The following HM13 variants were observed in gnomAD, a reference collection of about 807,000 sequenced individuals.
HM13 encodes histocompatibility minor 13, also known as signal peptide peptidase.
Under a neutral mutation model 50.0 loss-of-function variants are expected in HM13, and 18 were observed. The ratio of observed to expected loss-of-function variants is 0.36; its 90% CI spans 0.25 to 0.53. HM13 has a LOEUF of 0.53. Ranked by LOEUF, HM13 falls within the 20% of genes least tolerant of loss-of-function variation. HM13 has a pLI of 0.90. For synonymous variants in HM13, 197 were observed against 232.6 expected, an observed-to-expected ratio of 0.85 and a Z score of 1.39; for missense variants, 393 against 552.4, an observed-to-expected ratio of 0.71 and a Z score of 2.89.
chr20:31,540,414 C>G (rs1210137846), intron 3 of HM13: 1 of 152,234 alleles, frequency 6.6e-6, no homozygotes. Flanking sequence ...CCATCCTACC[C>G]CAGCATCTGT....
intron 12 of HM13, among the ~76,000 whole-genome samples, chr20:31,568,471 T>C (rs1277038774): frequency 2.0e-5 from 3 of 152,244 alleles, no homozygotes; most frequent in Non-Finnish European, 2.9e-5. Flanking sequence ...GAAATGGCCC[T>C]TGTCATGCAG....
chr20:31,537,537 T>C (rs997678436), intron 2 of HM13, among the ~76,000 whole-genome samples: 30 of 152,236 alleles, frequency 2.0e-4, no homozygotes, highest in Non-Finnish European at 4.4e-5. Context: ...GCAAACATGG[T>C]GTACCATGGC....
chr20:31,517,251 AT>A (rs1981847007), intron 1 of HM13, among the ~76,000 whole-genome samples: 1 of 152,128 alleles, frequency 6.6e-6, no homozygotes, highest in Non-Finnish European at 1.5e-5. Flanking sequence ...GGCAGGGAAA[AT>A]TGTGAAATCA....
At chr20:31,531,571 CT>C (rs923357949) in intron 2 of HM13, among the ~76,000 whole-genome samples, 5 of 151,908 alleles carry the variant, frequency 3.3e-5, no homozygotes, top group African/African-American at 1.2e-4. Flanking sequence ...TATAAATCCT[CT>C]TTTTTTGTTG....
At chr20:31,555,007 G>A (rs902883848) in intron 8 of HM13, among the ~76,000 whole-genome samples, 178 bp downstream of exon 8, 2 of 152,230 alleles carry the variant, frequency 1.3e-5, no homozygotes, top group African/African-American at 2.4e-5. Flanking sequence ...GGCCAGTCAG[G>A]TGCCATGCCC....
At chr20:31,540,419 A>T in intron 3 of HM13, 1 of 152,178 alleles carries the variant, frequency 6.6e-6, no homozygotes, top group East Asian at 1.9e-4. Flanking sequence ...CTACCCCAGC[A>T]TCTGTGAGAC....
intron 12 of HM13, among the ~76,000 whole-genome samples, chr20:31,568,617 A>G (rs1046961407): frequency 7.2e-5 from 11 of 152,220 alleles, no homozygotes; most frequent in African/African-American, 2.7e-4. Context: ...GCATGAACTC[A>G]GTTGCTTGAA....
At chr20:31,562,990 C>A (rs1171949331) in intron 10 of HM13, among the ~76,000 whole-genome samples, 1 of 152,184 alleles carries the variant, frequency 6.6e-6, no homozygotes, top group Non-Finnish European at 1.5e-5. Context: ...AGAGCCAATT[C>A]CCCCAGTGGC....
At chr20:31,557,095 A>G (rs1471085542) in intron 8 of HM13, among the ~76,000 whole-genome samples, 2 of 151,982 alleles carry the variant, frequency 1.3e-5, no homozygotes, top group African/African-American at 4.8e-5. Context: ...CCAGTGAGAT[A>G]GAGGGCATTT....
In HM13 at chr20:31,514,473, C is replaced by T; in HGVS notation, c.-79C>T. The T allele has an allele frequency of 6.8e-7, 1 of 1,476,896 alleles. No homozygotes were observed. 91.5% of individuals were successfully genotyped at this position (1,476,896 alleles called of 1,614,324 possible). On this transcript the variant is annotated 5_prime_UTR_variant, in exon 1 of 13. Transcript: ENST00000398174. This position sits in a 1 kb window ranked among gnomAD's most constrained non-coding sequence, Gnocchi z 4.3. ...TGTTGCCTTAGGGGAACGTGGCTTT[C>T]CCTGCAGAGCCGGTGTCTCCGCCTG...
chr20:31,564,480 G>A (rs2122662961), intron 10 of HM13, among the ~76,000 whole-genome samples: 1 of 152,180 alleles, frequency 6.6e-6, no homozygotes, highest in South Asian at 2.1e-4. Context: ...GTAGGACTGA[G>A]GCGAGAGGAT....
At chr20:31,525,931 G>A (rs1055113319) in intron 1 of HM13, among the ~76,000 whole-genome samples, 2 of 152,006 alleles carry the variant, frequency 1.3e-5, no homozygotes, top group Non-Finnish European at 1.5e-5. Flanking sequence ...TTTGAGACCA[G>A]CCTGGCCGAC....
Position 31,547,301 on chromosome 20 carries a change from G to C in HM13, c.455-1728G>C. 4 of 262,056 alleles carry C rather than the reference G, an allele frequency of 1.5e-5. 1 individual carries two copies. The South Asian group carries it at 1.9e-4, about 12-fold the overall frequency. The allele number at this position is 262,056 out of a possible 1,614,324, so 16.2% of individuals were successfully genotyped here. ...AAGGAACAGCGGGCCAAGCGCAGTC[G>C]TGACGTGGCGTTCAGAGAGCGGAAG... is the stretch of plus-strand genomic sequence containing the variant. On this transcript the variant is annotated intron_variant, in intron 4 of 12. Transcript: ENST00000398174.
At chr20:31,552,936 C>T (rs529515433) in intron 7 of HM13, among the ~76,000 whole-genome samples, 22 of 152,070 alleles carry the variant, frequency 1.4e-4, no homozygotes, top group African/African-American at 5.1e-4. Flanking sequence ...GATCACACCA[C>T]TGCACTCCAG....
chr20:31,566,307 T>TG lies in HM13; in HGVS notation c.1034+18dup. Reference sequence around the variant, plus strand: ...ACAGAGATGTTCAGGTAAGGCAGAGTGGGGGGCAGATGTCCTCATGGGCAC... The same window carrying TG: ...ACAGAGATGTTCAGGTAAGGCAGAGTGGGGGGGCAGATGTCCTCATGGGCAC... On this transcript the variant is annotated intron_variant, in intron 11 of 12. Transcript: ENST00000398174. The TG allele has an allele frequency of 1.2e-6, 2 of 1,609,950 alleles. No homozygotes were observed. The highest frequency in any genetic ancestry group is 1.1e-5 in the South Asian group (1 of 90,982).
intron 3 of HM13, chr20:31,540,563 C>G (rs551700317): frequency 6.6e-6 from 1 of 152,334 alleles, no homozygotes; most frequent in South Asian, 2.1e-4. Flanking sequence ...CAATGAAGAT[C>G]TTATCTCTAC....
At chr20:31,559,756 C>A in intron 9 of HM13, 109 bp downstream of exon 9, 1 of 968,394 alleles carries the variant, frequency 1.0e-6, no homozygotes, top group South Asian at 1.3e-5. Flanking sequence ...ACCCCCACAG[C>A]AGCCAGAGCA....
chr20:31,522,197 C>G (rs1237483366), intron 1 of HM13, among the ~76,000 whole-genome samples: 1 of 152,124 alleles, frequency 6.6e-6, no homozygotes, highest in Non-Finnish European at 1.5e-5. Context: ...CCTGCGTGTC[C>G]TTTGACAGCC....
chr20:31,549,507 C>G (rs559951037), intron 6 of HM13, among the ~76,000 whole-genome samples, 175 bp downstream of exon 6: 7 of 152,188 alleles, frequency 4.6e-5, no homozygotes, highest in East Asian at 1.9e-4. Flanking sequence ...CCAGAGAGAG[C>G]AGATTCTACC....
Sources: gnomAD v4.1 joint callset for allele counts (sites outside exome capture counted in the v4.1 genomes callset) on GRCh38, gnomAD v4.1.1 for gene constraint, Gnocchi (gnomAD v3.1) non-coding constraint, MANE v1.5 for transcripts, NCBI Gene and HGNC (gene_info 2026-07-23, HGNC 2026-07-21) for gene names.